Variants in ENTREP2 observed in about 807,000 individuals in gnomAD.
The protein encoded by ENTREP2 is protein ENTREP2.
chr15:29,535,898 C>G, the ENTREP2 span, among the ~76,000 whole-genome samples: 1 of 152,002 alleles, frequency 6.6e-6, no homozygotes, highest in Admixed American at 6.6e-5. Context: ...GGCTACAATC[C>G]CAGGAAGAAG....
the ENTREP2 span, among the ~76,000 whole-genome samples, chr15:29,189,332 G>A: frequency 6.6e-6 from 1 of 152,086 alleles, no homozygotes; most frequent in Admixed American, 6.5e-5. Context: ...ATGGTTTGGT[G>A]TATGGGGGAA....
At chr15:29,643,217 G>A in the ENTREP2 span, among the ~76,000 whole-genome samples, 1 of 152,130 alleles carries the variant, frequency 6.6e-6, no homozygotes, top group African/African-American at 2.4e-5. Flanking sequence ...CAACATTAAG[G>A]TAGTTAAAAT....
the ENTREP2 span, among the ~76,000 whole-genome samples, chr15:29,392,758 G>A: frequency 6.6e-5 from 10 of 152,034 alleles, no homozygotes; most frequent in Non-Finnish European, 7.4e-5. Context: ...TTGTATCTTC[G>A]CTATTCTCTT....
the ENTREP2 span, among the ~76,000 whole-genome samples, chr15:29,135,903 C>T: frequency 6.6e-6 from 1 of 151,198 alleles, no homozygotes; most frequent in African/African-American, 2.4e-5. This position sits in a 1 kb window ranked among gnomAD's most constrained non-coding sequence, Gnocchi z 7.4. Flanking sequence ...CCGGGGCGCC[C>T]TGGGTACTCG....
chr15:29,268,112 TTC>T, the ENTREP2 span: 1 of 152,192 alleles, frequency 6.6e-6, no homozygotes, highest in Non-Finnish European at 1.5e-5. Context: ...AGTCATGAAA[TTC>T]TCTCATGACC....
At chr15:29,641,268 T>C in the ENTREP2 span, among the ~76,000 whole-genome samples, 8 of 152,200 alleles carry the variant, frequency 5.3e-5, no homozygotes, top group Admixed American at 1.3e-4. Flanking sequence ...ATGTCTGTTC[T>C]TGCCACCTCT....
the ENTREP2 span, among the ~76,000 whole-genome samples, chr15:29,469,786 T>TA: frequency 6.6e-6 from 1 of 152,276 alleles, no homozygotes; most frequent in East Asian, 1.9e-4. Context: ...TAATTTTTTT[T>TA]AAAAAGCCTC....
At chr15:29,186,243 C>G in the ENTREP2 span, among the ~76,000 whole-genome samples, 1 of 152,240 alleles carries the variant, frequency 6.6e-6, no homozygotes, top group Non-Finnish European at 1.5e-5. Context: ...AGAGACCACA[C>G]AGCTGGAAGG....
At chr15:29,547,428 T>C in the ENTREP2 span, among the ~76,000 whole-genome samples, 1 of 152,098 alleles carries the variant, frequency 6.6e-6, no homozygotes, top group Non-Finnish European at 1.5e-5. Flanking sequence ...AAGACTTGAA[T>C]AGACATTTCT....
chr15:29,477,823 C>T, the ENTREP2 span, among the ~76,000 whole-genome samples: 2 of 151,710 alleles, frequency 1.3e-5, no homozygotes, highest in East Asian at 1.9e-4. Flanking sequence ...CCGAGGTGCA[C>T]GTGGGTAAGA....
chr15:29,410,650 C>T, the ENTREP2 span, among the ~76,000 whole-genome samples: 2 of 152,208 alleles, frequency 1.3e-5, no homozygotes, highest in African/African-American at 2.4e-5. Flanking sequence ...TAGTCCTGCT[C>T]TCAGTCTGCT....
At chr15:29,158,044 G>T in the ENTREP2 span, among the ~76,000 whole-genome samples, 1 of 152,168 alleles carries the variant, frequency 6.6e-6, no homozygotes, top group African/African-American at 2.4e-5. Context: ...ATGTACCATT[G>T]CTAAAATATA....
At chr15:29,541,661 T>C in the ENTREP2 span, among the ~76,000 whole-genome samples, 4 of 152,048 alleles carry the variant, frequency 2.6e-5, no homozygotes, top group Non-Finnish European at 5.9e-5. Context: ...AGAAGTTTTC[T>C]AGACAGGGAA....
the ENTREP2 span, among the ~76,000 whole-genome samples, chr15:29,410,531 C>T: frequency 6.6e-6 from 1 of 151,952 alleles, no homozygotes; most frequent in South Asian, 2.1e-4. Flanking sequence ...GGAGCCAGCA[C>T]GATCACCCGC....
chr15:29,489,809 G>A, the ENTREP2 span, among the ~76,000 whole-genome samples: 4 of 152,260 alleles, frequency 2.6e-5, no homozygotes, highest in African/African-American at 7.2e-5. Flanking sequence ...CCATCGCTCA[G>A]CTACACAACC....
chr15:29,157,811 C>G, the ENTREP2 span, among the ~76,000 whole-genome samples: 1 of 150,254 alleles, frequency 6.7e-6, no homozygotes, highest in Non-Finnish European at 1.5e-5. Context: ...CTCACTGCAA[C>G]TTCCACCTCC....
chr15:29,252,302 A>T, the ENTREP2 span: 7 of 958,246 alleles, frequency 7.3e-6, no homozygotes, highest in Admixed American at 5.1e-5. Flanking sequence ...AATTATTTTT[A>T]AAATTGCTCT....
the ENTREP2 span, among the ~76,000 whole-genome samples, chr15:29,659,798 C>CTG: frequency 7.1e-6 from 1 of 141,794 alleles, no homozygotes; most frequent in African/African-American, 3.0e-5. Flanking sequence ...GAATATGCCA[C>CTG]TATATTTTTT....
the ENTREP2 span, among the ~76,000 whole-genome samples, chr15:29,200,195 G>C: frequency 6.7e-6 from 1 of 148,210 alleles, no homozygotes; most frequent in Non-Finnish European, 1.5e-5. Context: ...TTTTTTTTTT[G>C]AGACAGGTCT....
Sources: gnomAD v4.1 joint callset for allele counts (sites outside exome capture counted in the v4.1 genomes callset) on GRCh38, gnomAD v4.1.1 for gene constraint, Gnocchi (gnomAD v3.1) non-coding constraint, MANE v1.5 for transcripts, NCBI Gene and HGNC (gene_info 2026-07-23, HGNC 2026-07-21) for gene names.